KCNH1: variants seen among roughly 807,000 people sequenced by gnomAD.
The protein encoded by KCNH1 is potassium voltage-gated channel subfamily H member 1, also known as voltage-gated delayed rectifier potassium channel KCNH1.
A neutral mutation model predicts 69.2 loss-of-function variants in KCNH1; 27 were observed. The ratio of observed to expected loss-of-function variants is 0.39; its 90% CI spans 0.29 to 0.54. The LOEUF is 0.54. Ranked by LOEUF, KCNH1 falls within the 20% of genes least tolerant of loss-of-function variation. The probability of loss-of-function intolerance (pLI) is 0.68; values close to 1 mark genes in which losing one functional copy is unlikely to be tolerated. For missense variants in KCNH1, 798 were observed against 1,261.6 expected, an observed-to-expected ratio of 0.63 and a Z score of 5.57; for synonymous variants, 456 against 487.7, an observed-to-expected ratio of 0.93 and a Z score of 0.86.
At chr1:210,945,016 G>C (rs1028201825) in intron 6 of KCNH1, among the ~76,000 whole-genome samples, 1 of 152,190 alleles carries the variant, frequency 6.6e-6, no homozygotes, top group Non-Finnish European at 1.5e-5. Context: ...TGCAATGTTT[G>C]TCCTTTTGTG....
chr1:211,122,491 A>G (rs951040654), intron 1 of KCNH1, among the ~76,000 whole-genome samples: 2 of 152,218 alleles, frequency 1.3e-5, no homozygotes, highest in African/African-American at 4.8e-5. Context: ...TGCCCAAAGG[A>G]ATATAAGCCA....
intron 7 of KCNH1, among the ~76,000 whole-genome samples, chr1:210,886,425 C>T (rs1430000845): frequency 6.6e-6 from 1 of 152,016 alleles, no homozygotes; most frequent in African/African-American, 2.4e-5. Flanking sequence ...TAGAAAAACC[C>T]ACGAAGATGA....
intron 6 of KCNH1, among the ~76,000 whole-genome samples, chr1:211,009,436 G>A (rs564640807): frequency 4.6e-5 from 7 of 152,150 alleles, no homozygotes; most frequent in African/African-American, 1.7e-4. Flanking sequence ...TATAAAGAAG[G>A]GAAATATTCC....
At chr1:211,057,483 T>G (rs1056727174) in intron 5 of KCNH1, among the ~76,000 whole-genome samples, 3 of 151,798 alleles carry the variant, frequency 2.0e-5, no homozygotes, top group Non-Finnish European at 4.4e-5. Flanking sequence ...AAAAAAAATT[T>G]TTTTAATTAG....
chr1:210,991,146 G>T (rs569717289), intron 6 of KCNH1, among the ~76,000 whole-genome samples: 2 of 152,170 alleles, frequency 1.3e-5, no homozygotes, highest in Non-Finnish European at 2.9e-5. Context: ...AAAGATATCT[G>T]CATGCTCATC....
At chr1:210,913,361 CT>C (rs879744832) in intron 7 of KCNH1, among the ~76,000 whole-genome samples, 84 of 149,376 alleles carry the variant, frequency 5.6e-4, no homozygotes, top group Admixed American at 2.7e-4. Context: ...TTATTATTTT[CT>C]TTTTTTTTTC....
At chr1:210,693,855 A>C (rs1357156349) in intron 10 of KCNH1, among the ~76,000 whole-genome samples, 6 of 152,060 alleles carry the variant, frequency 3.9e-5, no homozygotes, top group Admixed American at 2.0e-4. Flanking sequence ...CATGCTAACT[A>C]ACTCACTCCT....
chr1:210,684,623 A>G (rs1028680764), intron 10 of KCNH1, among the ~76,000 whole-genome samples: 6 of 152,196 alleles, frequency 3.9e-5, no homozygotes, highest in African/African-American at 7.2e-5. Flanking sequence ...ACCACACTTC[A>G]GGGCAAGAAA....
intron 7 of KCNH1, among the ~76,000 whole-genome samples, chr1:210,825,151 AC>A (rs1685009485): frequency 6.6e-6 from 1 of 152,218 alleles, no homozygotes; most frequent in Non-Finnish European, 1.5e-5. Flanking sequence ...TCTGCCAAAT[AC>A]CCAAATCTGA....
At chr1:210,730,390 A>G (rs61829482) in intron 10 of KCNH1, among the ~76,000 whole-genome samples, 12,554 of 152,186 alleles carry the variant, frequency 0.082, 704 homozygotes, top group Non-Finnish European at 0.13. Flanking sequence ...AGCTCTTGAC[A>G]GGGGAGGTTA....
At position 210,681,076 on chromosome 1, in the gene KCNH1, T is replaced by A. The variant is rs1441216528; in HGVS notation, c.*2205A>T. 6.6e-6 allele frequency: 1 copy of A among 152,196 alleles called. No individual in the cohort carries two copies. The highest frequency in any genetic ancestry group is 1.5e-5 in the Non-Finnish European group (1 of 68,058). 9.4% of individuals were successfully genotyped at this position (152,196 alleles called of 1,614,324 possible). A position where few individuals can be genotyped will look rare whatever the true frequency, so the allele number is the denominator to read the frequency against. ...AAAAGTGTCTCCAGTGGCAGGTTCT[T>A]CTGAGGCTGGGTTTTGGGGGTGATT... On this transcript the variant is annotated 3_prime_UTR_variant, in exon 11 of 11. Transcript: ENST00000271751.
chr1:211,091,816 A>T (rs902602036), intron 3 of KCNH1, among the ~76,000 whole-genome samples: 1 of 152,224 alleles, frequency 6.6e-6, no homozygotes, highest in African/African-American at 2.4e-5. Context: ...ATATCTGTAC[A>T]GTCACTCACT....
chr1:210,723,886 T>A (rs1288103966), intron 10 of KCNH1, among the ~76,000 whole-genome samples: 1 of 152,006 alleles, frequency 6.6e-6, no homozygotes, highest in African/African-American at 2.4e-5. Context: ...AGGTCAAAGA[T>A]CTGTTCTACG....
At chr1:210,706,114 A>C (rs1681907418) in intron 10 of KCNH1, among the ~76,000 whole-genome samples, 2 of 152,210 alleles carry the variant, frequency 1.3e-5, no homozygotes, top group Non-Finnish European at 2.9e-5. Context: ...TTTGCCAATT[A>C]GTTCTAAACC....
At chr1:210,726,231 T>C (rs17260718) in intron 10 of KCNH1, among the ~76,000 whole-genome samples, 28,400 of 152,104 alleles carry the variant, frequency 0.19, 3,489 homozygotes, top group Non-Finnish European at 0.28. Context: ...GGAGCAGCAC[T>C]TGCCCAACTT....
chr1:210,733,412 A>G (rs1682793229), intron 10 of KCNH1, among the ~76,000 whole-genome samples: 1 of 152,210 alleles, frequency 6.6e-6, no homozygotes, highest in African/African-American at 2.4e-5. Context: ...AGGAATTCTA[A>G]GCCCCCAGGA....
intron 10 of KCNH1, among the ~76,000 whole-genome samples, chr1:210,737,252 A>C (rs1682902075): frequency 6.6e-6 from 1 of 152,174 alleles, no homozygotes; most frequent in African/African-American, 2.4e-5. Flanking sequence ...GAGGAAAGAC[A>C]CCCAAAGGGA....
chr1:210,868,564 A>C (rs981474860), intron 7 of KCNH1, among the ~76,000 whole-genome samples: 3 of 152,068 alleles, frequency 2.0e-5, no homozygotes, highest in East Asian at 3.8e-4. Flanking sequence ...TTGAGTCTAC[A>C]GTAAAGGGTT....
chr1:210,860,174 C>G (rs1685946140), intron 7 of KCNH1: 1 of 1,188,260 alleles, frequency 8.4e-7, no homozygotes, highest in Non-Finnish European at 1.3e-6. Flanking sequence ...GTCTTGGTAT[C>G]AACTGTTACA....
Sources: gnomAD v4.1 joint callset for allele counts (sites outside exome capture counted in the v4.1 genomes callset) on GRCh38, gnomAD v4.1.1 for gene constraint, MANE v1.5 for transcripts, NCBI Gene and HGNC (gene_info 2026-07-23, HGNC 2026-07-21) for gene names.